Variants in DDAH1 observed in about 807,000 individuals in gnomAD.
DDAH1 encodes the protein N(G),N(G)-dimethylarginine dimethylaminohydrolase 1.
A neutral mutation model predicts 28.8 loss-of-function variants in DDAH1; 19 were observed. The ratio of observed to expected loss-of-function variants is 0.66; its 90% confidence interval spans 0.46 to 0.97. The LOEUF is 0.97. DDAH1 is among the 50% of genes least tolerant of loss of function. DDAH1 has a pLI of 0.00. For synonymous variants in DDAH1, 153 were observed against 154.4 expected (o/e 0.99, Z 0.07); for missense variants, 326 against 375.9 (o/e 0.87, Z 1.10).
At chr1:85,332,023 T>A in intron 4 of DDAH1, among the ~76,000 whole-genome samples, 1 of 152,104 alleles carries the variant, frequency 6.6e-6, no homozygotes, top group East Asian at 1.9e-4. Flanking sequence ...ACTGCTGAAA[T>A]CCTAGTCATA....
chr1:85,449,262 A>C (rs1654563329), intron 1 of DDAH1, among the ~76,000 whole-genome samples: 1 of 152,218 alleles, frequency 6.6e-6, no homozygotes, highest in African/African-American at 2.4e-5. Context: ...ACATATGAGA[A>C]GGTTGGCAGA....
exon 1 of DDAH1, chr1:85,578,104 T>A (rs1659663286): frequency 3.2e-6 from 2 of 630,586 alleles, no homozygotes; most frequent in African/African-American, 4.0e-5. Context: ...GGGCAGGACT[T>A]GAGGAGCCGC....
At chr1:85,418,494 G>A (rs543721044) in intron 1 of DDAH1, among the ~76,000 whole-genome samples, 3 of 152,266 alleles carry the variant, frequency 2.0e-5, no homozygotes, top group African/African-American at 4.8e-5. Flanking sequence ...TGAAATGGGC[G>A]AACTATGATC....
intron 1 of DDAH1, chr1:85,379,669 G>A (rs1381381161): frequency 3.0e-6 from 3 of 985,144 alleles, no homozygotes; most frequent in Non-Finnish European, 2.4e-6. Flanking sequence ...TCTTTTCCAA[G>A]GCATTTGTTG....
intron 1 of DDAH1, among the ~76,000 whole-genome samples, chr1:85,378,638 A>T (rs1650808009): frequency 6.6e-6 from 1 of 152,132 alleles, no homozygotes; most frequent in Non-Finnish European, 1.5e-5. Context: ...AGAATTCCTG[A>T]GCTCAAGTGA....
intron 5 of DDAH1, among the ~76,000 whole-genome samples, chr1:85,324,272 AAAT>A (rs71075831): frequency 6.6e-4 from 94 of 142,260 alleles, no homozygotes; most frequent in Admixed American, 1.5e-3. Flanking sequence ...CCTGTCTCAA[AAAT>A]AATAATAATA....
intron 1 of DDAH1, among the ~76,000 whole-genome samples, chr1:85,421,357 T>C (rs770946168): frequency 6.6e-6 from 1 of 152,204 alleles, no homozygotes; most frequent in Non-Finnish European, 1.5e-5. Context: ...GGTCAGCAGC[T>C]TTCTCCTCCA....
intron 1 of DDAH1, among the ~76,000 whole-genome samples, chr1:85,460,608 T>G (rs1655084319): frequency 6.6e-6 from 1 of 152,030 alleles, no homozygotes; most frequent in Non-Finnish European, 1.5e-5. Context: ...AAAAAAAAAG[T>G]AAAGGGGCAA....
intron 1 of DDAH1, among the ~76,000 whole-genome samples, chr1:85,569,566 A>T (rs1659393447): frequency 6.6e-6 from 1 of 152,184 alleles, no homozygotes; most frequent in South Asian, 2.1e-4. Context: ...GTCACTTTAG[A>T]AGTTTTCCCT....
intron 4 of DDAH1, among the ~76,000 whole-genome samples, chr1:85,343,490 A>T (rs3768224): frequency 0.042 from 6,047 of 142,326 alleles, 224 homozygotes; most frequent in South Asian, 0.18. Context: ...TGGCAGATTT[A>T]AAAAAATCAT....
At chr1:85,511,744 T>G (rs1465001464) in intron 1 of DDAH1, among the ~76,000 whole-genome samples, 1 of 151,982 alleles carries the variant, frequency 6.6e-6, no homozygotes, top group Non-Finnish European at 1.5e-5. Context: ...AACTAGAAAA[T>G]CTAGAAGAAA....
At chr1:85,524,762 T>C (rs2100766561) in intron 1 of DDAH1, among the ~76,000 whole-genome samples, 1 of 151,552 alleles carries the variant, frequency 6.6e-6, no homozygotes, top group Non-Finnish European at 1.5e-5. Flanking sequence ...CAAAGCCAAA[T>C]ATGAGTAAGA....
intron 4 of DDAH1, among the ~76,000 whole-genome samples, chr1:85,344,316 A>AAATGT (rs576431021): frequency 1.3e-5 from 2 of 152,248 alleles, no homozygotes; most frequent in Non-Finnish European, 2.9e-5. Context: ...AAATATACAC[A>AAATGT]AATGTAATAT....
At chr1:85,558,055 C>T (rs1290168637) in intron 1 of DDAH1, among the ~76,000 whole-genome samples, 5 of 151,238 alleles carry the variant, frequency 3.3e-5, no homozygotes, top group Non-Finnish European at 5.9e-5. Flanking sequence ...GCACTTGGTC[C>T]AAACCAGTAA....
intron 1 of DDAH1, among the ~76,000 whole-genome samples, chr1:85,506,927 A>G (rs754534491): frequency 3.8e-4 from 58 of 152,170 alleles, no homozygotes; most frequent in Non-Finnish European, 5.6e-4. Context: ...TCAGAGAGTG[A>G]CCACGGGGAT....
intron 1 of DDAH1, among the ~76,000 whole-genome samples, chr1:85,462,622 C>T (rs559955707): frequency 6.6e-6 from 1 of 152,246 alleles, no homozygotes; most frequent in South Asian, 2.1e-4. Context: ...TTCATCCACT[C>T]ACTCAACAAG....
intron 1 of DDAH1, among the ~76,000 whole-genome samples, chr1:85,514,108 G>T (rs188079616): frequency 6.6e-6 from 1 of 152,288 alleles, no homozygotes; most frequent in Non-Finnish European, 1.5e-5. Context: ...CAACTCAAAT[G>T]TCCATCAGTA....
chr1:85,343,778 C>CCAAA (rs1200870760), intron 4 of DDAH1, among the ~76,000 whole-genome samples: 3 of 152,328 alleles, frequency 2.0e-5, no homozygotes, highest in South Asian at 4.1e-4. Context: ...CATATAAAAT[C>CCAAA]CAAACACATT....
At chr1:85,569,721 A>G (rs922281168) in intron 1 of DDAH1, among the ~76,000 whole-genome samples, 6 of 152,206 alleles carry the variant, frequency 3.9e-5, no homozygotes, top group Admixed American at 3.9e-4. Flanking sequence ...ACTGGGACTC[A>G]AGGACTTCTC....
Sources: allele counts gnomAD v4.1 joint callset (sites outside exome capture counted in the v4.1 genomes callset), GRCh38; gene constraint gnomAD v4.1.1; transcripts MANE v1.5; gene names NCBI Gene and HGNC (gene_info 2026-07-23, HGNC 2026-07-21).